TOX3: variants seen among roughly 807,000 people sequenced by gnomAD.
The protein encoded by TOX3 is TOX high mobility group box family member 3.
A neutral mutation model predicts 64.3 loss-of-function variants in TOX3; 22 were observed. That is an observed-to-expected ratio of 0.34 (90% CI 0.24 to 0.49). The LOEUF (loss-of-function observed/expected upper bound fraction) is 0.49. Ranked by LOEUF, TOX3 falls within the 20% of genes least tolerant of loss-of-function variation. TOX3 has a pLI of 0.99. For missense variants in TOX3, 661 were observed against 714.4 expected, an observed-to-expected ratio of 0.93 and a Z score of 0.85; for synonymous variants, 291 against 273.6, an observed-to-expected ratio of 1.06 and a Z score of -0.63.
In TOX3 at chr16:52,464,174, T is replaced by A. The variant is rs1449035749; in HGVS notation, c.168A>T (p.Thr56=). 1 of 1,537,118 alleles carries A rather than the reference T, an allele frequency of 6.5e-7. No homozygotes were observed. ...CGAATTCCTCGTCCCCAAGGCTTGG[T>A]GTGTGGAATGTCTGCTAAAAGGAAA... is the stretch of plus-strand genomic sequence containing the variant. ...FFAASEQTFH[T]PSLGDEEFEI... Residue 56 remains threonine (T), a synonymous_variant, in exon 3 of 7, where the codon ACA becomes ACT. Transcript: ENST00000219746.
At chr16:52,522,665 C>A (rs1226127839) in intron 1 of TOX3, among the ~76,000 whole-genome samples, 1 of 152,098 alleles carries the variant, frequency 6.6e-6, no homozygotes, top group Non-Finnish European at 1.5e-5. Context: ...AGGGAGTTCC[C>A]AAGACACTGG....
chr16:52,486,480 C>G (rs921501749), intron 1 of TOX3, among the ~76,000 whole-genome samples: 1 of 152,196 alleles, frequency 6.6e-6, no homozygotes, highest in African/African-American at 2.4e-5. Context: ...ATGGCACCAG[C>G]TGCCCTCCAG....
chr16:52,529,924 AG>A (rs1163875564), intron 1 of TOX3, among the ~76,000 whole-genome samples: 1 of 152,250 alleles, frequency 6.6e-6, no homozygotes, highest in African/African-American at 2.4e-5. Flanking sequence ...AATTCAATAA[AG>A]CAGAGAGGGC....
Position 52,450,393 on chromosome 16 carries a change from A to G in TOX3, c.562T>C (p.Leu188=). ...GGCATACTGGCACCTCCCAAATTCA[A>G]CCCCAACTGGGCGCTGAGCTGAGAC... ...NQSQLSAQLG[L]NLGGASMPHT... The change falls in exon 4 of 7, where the codon TTG becomes CTG. Residue 188 remains leucine, a synonymous_variant. Transcript: ENST00000219746. 3 of 1,613,922 alleles carry G rather than the reference A, an allele frequency of 1.9e-6. No homozygotes were observed. The highest frequency in any genetic ancestry group is 2.5e-6 in the Non-Finnish European group (3 of 1,179,880).
At chr16:52,515,838 A>G (rs1962439357) in intron 1 of TOX3, among the ~76,000 whole-genome samples, 1 of 152,244 alleles carries the variant, frequency 6.6e-6, no homozygotes, top group Non-Finnish European at 1.5e-5. Flanking sequence ...TATTTGCACT[A>G]GCATTAATCA....
At chr16:52,502,028 G>A (rs1214340228) in intron 1 of TOX3, among the ~76,000 whole-genome samples, 1 of 152,168 alleles carries the variant, frequency 6.6e-6, no homozygotes, top group African/African-American at 2.4e-5. Flanking sequence ...TGCCAATGAG[G>A]GAAAAAGTGG....
intron 1 of TOX3, among the ~76,000 whole-genome samples, chr16:52,509,831 T>C (rs1269033957): frequency 6.6e-6 from 1 of 152,172 alleles, no homozygotes; most frequent in Non-Finnish European, 1.5e-5. Context: ...TGATTGATAT[T>C]AGTAGTTTCA....
At chr16:52,456,831 G>A (rs896633552) in intron 3 of TOX3, among the ~76,000 whole-genome samples, 2 of 152,302 alleles carry the variant, frequency 1.3e-5, no homozygotes, top group Admixed American at 6.5e-5. Flanking sequence ...GGATACTGGG[G>A]CCTGCCTAAG....
intron 1 of TOX3, among the ~76,000 whole-genome samples, chr16:52,485,095 A>C (rs959464082): frequency 6.7e-6 from 1 of 150,144 alleles, no homozygotes; most frequent in Non-Finnish European, 1.5e-5. Flanking sequence ...ATGTGTGTGT[A>C]TATATATACA....
chr16:52,450,003 T>G (rs1287802574), intron 4 of TOX3, among the ~76,000 whole-genome samples: 1 of 152,218 alleles, frequency 6.6e-6, no homozygotes, highest in East Asian at 1.9e-4. Context: ...AGCCTTCCTT[T>G]TGCAGATTAG....
rs7195542 is a variant in TOX3 at position 52,504,096 on chromosome 16, G to A, written c.88-35522C>T. ...AAAATTTAATATGAGGGTAGCATAT[G>A]CCAGCCGTTCCTAGTTGAGCAACAA... On this transcript the variant is annotated intron_variant, in intron 1 of 6. Coordinates refer to ENST00000219746, the MANE Select transcript of TOX3 (RefSeq NM_001080430.4). Among the ~76,000 whole-genome samples, 324 of 152,262 alleles carry A rather than the reference G, an allele frequency of 2.1e-3. 1 individual carries two copies. The highest frequency in any genetic ancestry group is 7.3e-3 in the African/African-American group (304 of 41,548).
intron 1 of TOX3, among the ~76,000 whole-genome samples, chr16:52,478,373 T>G (rs528304613): frequency 6.6e-6 from 1 of 152,266 alleles, no homozygotes; most frequent in East Asian, 1.9e-4. Flanking sequence ...TATCCCTACT[T>G]TACGCAGGTT....
intron 1 of TOX3, among the ~76,000 whole-genome samples, chr16:52,536,630 T>TAC (rs1962950766): frequency 1.9e-4 from 1 of 5,200 alleles, no homozygotes; most frequent in African/African-American, 4.4e-4. Flanking sequence ...ATATACACTA[T>TAC]ATATATATAT....
chr16:52,521,072 T>C (rs1472830204), intron 1 of TOX3, among the ~76,000 whole-genome samples: 1 of 152,106 alleles, frequency 6.6e-6, no homozygotes, highest in Non-Finnish European at 1.5e-5. Context: ...TGTAACTGGG[T>C]CCTGTATGAT....
intron 1 of TOX3, among the ~76,000 whole-genome samples, chr16:52,522,300 C>T (rs906727647): frequency 6.6e-6 from 1 of 152,168 alleles, no homozygotes; most frequent in Non-Finnish European, 1.5e-5. Flanking sequence ...AATGTCAGGC[C>T]ACAGGCCAGA....
At chr16:52,476,798 T>C (rs766408545) in intron 1 of TOX3, among the ~76,000 whole-genome samples, 4 of 152,116 alleles carry the variant, frequency 2.6e-5, no homozygotes, top group Admixed American at 6.6e-5. Flanking sequence ...TCTCTGCAGA[T>C]GCAGAGAAGT....
chr16:52,477,585 G>A (rs1360476795), intron 1 of TOX3, among the ~76,000 whole-genome samples: 2 of 152,180 alleles, frequency 1.3e-5, no homozygotes, highest in Non-Finnish European at 2.9e-5. Context: ...TCCAATCCTA[G>A]CACCAAACTA....
chr16:52,459,592 C>T (rs1960627992), intron 3 of TOX3, among the ~76,000 whole-genome samples: 1 of 152,052 alleles, frequency 6.6e-6, no homozygotes, highest in African/African-American at 2.4e-5. Context: ...TTGCTTGTCC[C>T]CCCATGGCTA....
intron 1 of TOX3, among the ~76,000 whole-genome samples, chr16:52,493,608 C>CT (rs1387111176): frequency 1.3e-5 from 2 of 152,212 alleles, no homozygotes; most frequent in African/African-American, 2.4e-5. Context: ...TCCCTAGCCC[C>CT]TTTTTTCTCA....
Sources: allele counts gnomAD v4.1 joint callset (sites outside exome capture counted in the v4.1 genomes callset), GRCh38; gene constraint gnomAD v4.1.1; transcripts MANE v1.5; gene names NCBI Gene and HGNC (gene_info 2026-07-23, HGNC 2026-07-21).